LAMA3: variants seen among roughly 807,000 people sequenced by gnomAD.
LAMA3 encodes the protein laminin subunit alpha-3.
LAMA3 carries 281 observed loss-of-function variants against 402.0 expected under a neutral mutation model. The ratio of observed to expected loss-of-function variants is 0.70; its 90% CI spans 0.63 to 0.77. LAMA3 has a LOEUF of 0.77. Among genes scored for constraint, LAMA3 ranks in the 30% least tolerant of loss-of-function variants. The pLI, the probability that LAMA3 is intolerant of heterozygous loss-of-function variation, is 0.00. For missense variants in LAMA3, 3,840 were observed against 4,215.5 expected (o/e 0.91, Z 2.47); for synonymous variants, 1,431 against 1,558.4 (o/e 0.92, Z 1.93).
intron 2 of LAMA3, among the ~76,000 whole-genome samples, chr18:23,747,642 A>G (rs976450934): frequency 6.6e-6 from 1 of 152,174 alleles, no homozygotes; most frequent in African/African-American, 2.4e-5. Flanking sequence ...GAATGCATAG[A>G]CTTTAAGATA....
At chr18:23,764,168 C>T (rs980870416) in intron 8 of LAMA3, among the ~76,000 whole-genome samples, 1 of 152,158 alleles carries the variant, frequency 6.6e-6, no homozygotes, top group African/African-American at 2.4e-5. Context: ...GCGTTCTTCA[C>T]ATGAGATGCC....
In LAMA3 at chr18:23,749,052, C is replaced by T. The variant is rs372994609; in HGVS notation, c.566-376C>T. Among the ~76,000 whole-genome samples, 16 of 152,188 alleles carry T rather than the reference C, an allele frequency of 1.1e-4. 1 individual carries two copies. Among genetic ancestry groups the T allele is most frequent in the Admixed American group, 8.5e-4 (13 of 15,282 alleles). On this transcript the variant is annotated intron_variant, in intron 3 of 74. Coordinates refer to ENST00000313654, the MANE Select transcript of LAMA3 (RefSeq NM_198129.4). ...TTCCTGTGCTGTGCTTTACTTACCT[C>T]AACTCTGTTATCTTCACTAATGAAG... is the stretch of plus-strand genomic sequence containing the variant.
intron 12 of LAMA3, among the ~76,000 whole-genome samples, chr18:23,806,156 G>T (rs542454305): frequency 6.6e-6 from 1 of 152,196 alleles, no homozygotes; most frequent in Admixed American, 6.5e-5. Context: ...AACCACACCC[G>T]CCTTGCTTTT....
At chr18:23,854,272 C>T (rs2064013116) in intron 32 of LAMA3, among the ~76,000 whole-genome samples, 1 of 152,260 alleles carries the variant, frequency 6.6e-6, no homozygotes, top group Non-Finnish European at 1.5e-5. Context: ...TTCCCTTCCT[C>T]CTTGTCTGGA....
intron 1 of LAMA3, 23 bp downstream of exon 1, chr18:23,690,000 G>C (rs1163250592): frequency 1.4e-6 from 2 of 1,409,328 alleles, no homozygotes; most frequent in African/African-American, 1.5e-5. Flanking sequence ...GAGAGAGCCG[G>C]GGTGGGCGCG....
intron 64 of LAMA3, 83 bp downstream of exon 64, chr18:23,928,848 G>T: frequency 3.0e-6 from 4 of 1,313,168 alleles, no homozygotes; most frequent in Non-Finnish European, 4.4e-6. Flanking sequence ...GATTTAGAAA[G>T]TGGTGGAGTT....
At position 23,943,987 on chromosome 18, in the gene LAMA3, G is replaced by C. The variant is rs758470194; in HGVS notation, c.9210+16G>C. ...ATGGCACACGGTAAGAGCTGGGGCT[G>C]TGTCAGTATCTCCAGTTGGTGTGGA... On this transcript the variant is annotated intron_variant, in intron 69 of 74. Coordinates refer to ENST00000313654, the MANE Select transcript of LAMA3 (RefSeq NM_198129.4). The C allele has an allele frequency of 6.2e-7, 1 of 1,611,560 alleles. No individual in the cohort carries two copies. The highest frequency in any genetic ancestry group is 1.3e-5 in the African/African-American group (1 of 74,884).
intron 27 of LAMA3, 99 bp downstream of exon 27, chr18:23,840,028 AC>A: frequency 7.7e-7 from 1 of 1,295,326 alleles, no homozygotes. Flanking sequence ...AGATTCACAG[AC>A]CCACTACAGA....
At chr18:23,823,028 A>G (rs1212131393) in intron 20 of LAMA3, among the ~76,000 whole-genome samples, 3 of 152,196 alleles carry the variant, frequency 2.0e-5, no homozygotes, top group Non-Finnish European at 2.9e-5. Context: ...AGGACACAAA[A>G]TGGCACCAAT....
intron 15 of LAMA3, among the ~76,000 whole-genome samples, chr18:23,814,839 C>T (rs775799658): frequency 2.0e-5 from 3 of 152,152 alleles, no homozygotes; most frequent in Non-Finnish European, 4.4e-5. Flanking sequence ...CTTAAAAACA[C>T]CGAGTTAAGG....
intron 29 of LAMA3, among the ~76,000 whole-genome samples, chr18:23,843,889 C>G (rs571795328): frequency 2.0e-5 from 3 of 152,302 alleles, no homozygotes; most frequent in Non-Finnish European, 2.9e-5. Flanking sequence ...CACACTGTCC[C>G]TTTTTCTGAC....
intron 58 of LAMA3, 33 bp from the exon 59 acceptor site, chr18:23,915,256 C>T: frequency 6.2e-7 from 1 of 1,609,222 alleles, no homozygotes; most frequent in Non-Finnish European, 8.5e-7. Flanking sequence ...GTCCTTTGTT[C>T]AATTGGTGGA....
chr18:23,809,257 A>G (rs935338953), intron 12 of LAMA3, among the ~76,000 whole-genome samples: 1 of 152,204 alleles, frequency 6.6e-6, no homozygotes, highest in Non-Finnish European at 1.5e-5. Context: ...AGGCTTAAAG[A>G]AGCTAAGCAA....
chr18:23,815,455 C>T lies in LAMA3; in HGVS notation c.1942-13C>T, dbSNP rs1174913747. 6 of 1,603,104 alleles carry T rather than the reference C, an allele frequency of 3.7e-6. No homozygotes were observed. The highest frequency in any genetic ancestry group is 1.3e-5 in the African/African-American group (1 of 74,708). On this transcript the variant is annotated splice_polypyrimidine_tract_variant and intron_variant, in intron 16 of 74. Transcript: ENST00000313654. ...TTATATCAAATGTTGTCATCTGGCT[C>T]ACTGTTCTGCAGGGAGATGGTGACT...
intron 37 of LAMA3, among the ~76,000 whole-genome samples, chr18:23,870,483 G>A (rs2064486761): frequency 6.6e-6 from 1 of 152,016 alleles, no homozygotes; most frequent in Admixed American, 6.6e-5. Flanking sequence ...TCCCACTTCT[G>A]GATATCTATC....
intron 12 of LAMA3, among the ~76,000 whole-genome samples, chr18:23,789,230 GA>G (rs1239423920): frequency 1.3e-5 from 2 of 152,098 alleles, no homozygotes; most frequent in Non-Finnish European, 2.9e-5. Context: ...GTGGGAATGT[GA>G]AATAGTACAG....
intron 38 of LAMA3, chr18:23,873,348 A>G (rs573966867): frequency 4.3e-4 from 361 of 844,168 alleles, no homozygotes; most frequent in Non-Finnish European, 6.8e-4. Flanking sequence ...AGTCACCTTG[A>G]CTGGCAGTGT....
At chr18:23,902,252 C>T (rs1154229) in intron 48 of LAMA3, among the ~76,000 whole-genome samples, 54,807 of 151,784 alleles carry the variant, frequency 0.36, 10,433 homozygotes, top group East Asian at 0.77. Flanking sequence ...CTTGAACACA[C>T]TGGTGGGTTG....
At chr18:23,924,709 A>G (rs2081953618) in intron 62 of LAMA3, among the ~76,000 whole-genome samples, 1 of 150,986 alleles carries the variant, frequency 6.6e-6, no homozygotes, top group African/African-American at 2.4e-5. Flanking sequence ...ATGCCCGGCT[A>G]ATTTTGTGTT....
Sources: gnomAD v4.1 joint callset for allele counts (sites outside exome capture counted in the v4.1 genomes callset) on GRCh38, gnomAD v4.1.1 for gene constraint, MANE v1.5 for transcripts, NCBI Gene and HGNC (gene_info 2026-07-23, HGNC 2026-07-21) for gene names.